KIAA1671: variants seen among roughly 807,000 people sequenced by gnomAD.
KIAA1671 encodes the protein KIAA1671, also known as uncharacterized protein KIAA1671.
In KIAA1671, 52 loss-of-function variants were observed where a neutral mutation model predicts 131.2. The ratio of observed to expected loss-of-function variants is 0.40; its 90% CI spans 0.32 to 0.50. The LOEUF is 0.50. KIAA1671 is among the 20% of genes least tolerant of loss of function. The pLI is 0.73. For missense variants in KIAA1671, 2,360 were observed against 2,364.2 expected (o/e 1.00, Z 0.04); for synonymous variants, 1,003 against 961.6 (o/e 1.04, Z -0.80).
At chr22:25,065,761 T>C (rs376555933) in intron 6 of KIAA1671, among the ~76,000 whole-genome samples, 5 of 151,966 alleles carry the variant, frequency 3.3e-5, no homozygotes, top group Admixed American at 2.6e-4. Context: ...TGCCTCAGCC[T>C]CCCGAGTAGG....
chr22:25,159,168 G>C (rs1284885796), intron 6 of KIAA1671, among the ~76,000 whole-genome samples: 2 of 152,186 alleles, frequency 1.3e-5, no homozygotes, highest in Admixed American at 6.5e-5. Flanking sequence ...CCCCCACTCA[G>C]AGCTTTGTCA....
intron 11 of KIAA1671, among the ~76,000 whole-genome samples, chr22:25,186,919 AC>A (rs1400636672): frequency 6.6e-6 from 1 of 152,080 alleles, no homozygotes; most frequent in Non-Finnish European, 1.5e-5. Flanking sequence ...GGCTGGAGAA[AC>A]CCCCAGACTA....
intron 1 of KIAA1671, chr22:25,010,557 A>G (rs777717300): frequency 2.6e-5 from 4 of 152,026 alleles, no homozygotes; most frequent in Admixed American, 1.3e-4. Context: ...TACATGCACT[A>G]TCTCTTTTAA....
intron 1 of KIAA1671, among the ~76,000 whole-genome samples, chr22:25,009,438 T>C (rs558366123): frequency 3.0e-4 from 45 of 151,400 alleles, no homozygotes; most frequent in African/African-American, 8.0e-4. Context: ...CTAATTTTTG[T>C]ATTTTTAGAA....
chr22:24,997,199 G>A (rs1250911266), intron 1 of KIAA1671, among the ~76,000 whole-genome samples: 1 of 152,330 alleles, frequency 6.6e-6, no homozygotes, highest in Non-Finnish European at 1.5e-5. Context: ...AAAACAGTGG[G>A]GTTGGTGTCA....
intron 6 of KIAA1671, among the ~76,000 whole-genome samples, chr22:25,130,400 C>T (rs1165959049): frequency 1.3e-5 from 2 of 152,176 alleles, no homozygotes; most frequent in Non-Finnish European, 2.9e-5. Context: ...AGAATGTGTA[C>T]TGAGAATCCA....
chr22:24,984,854 C>T (rs1311960165), intron 1 of KIAA1671, among the ~76,000 whole-genome samples: 1 of 127,328 alleles, frequency 7.9e-6, no homozygotes, highest in Non-Finnish European at 1.6e-5. Flanking sequence ...GCGGAGGTTG[C>T]GGTGAGCCGA....
intron 1 of KIAA1671, among the ~76,000 whole-genome samples, chr22:24,961,012 TG>T (rs987663268): frequency 2.5e-4 from 38 of 152,226 alleles, no homozygotes; most frequent in Non-Finnish European, 5.1e-4. Context: ...TTTTTGTTGT[TG>T]TTGTTTTTGT....
intron 4 of KIAA1671, among the ~76,000 whole-genome samples, chr22:25,037,834 A>G (rs1437590892): frequency 1.3e-5 from 2 of 151,876 alleles, no homozygotes; most frequent in Non-Finnish European, 2.9e-5. Flanking sequence ...TCAGTATTTA[A>G]TTCCTTTTAT....
chr22:24,968,331 C>T (rs765975926), intron 1 of KIAA1671, among the ~76,000 whole-genome samples: 1 of 152,016 alleles, frequency 6.6e-6, no homozygotes, highest in Non-Finnish European at 1.5e-5. Context: ...GTTGGGCATG[C>T]CTGGAGGCTC....
intron 6 of KIAA1671, among the ~76,000 whole-genome samples, chr22:25,162,860 C>G (rs1308343501): frequency 2.0e-5 from 3 of 152,140 alleles, no homozygotes; most frequent in African/African-American, 4.8e-5. Context: ...CCCACAAAGC[C>G]CAAAATATTT....
chr22:25,016,602 G>A (rs962910785), intron 1 of KIAA1671, among the ~76,000 whole-genome samples: 2 of 152,184 alleles, frequency 1.3e-5, no homozygotes, highest in Non-Finnish European at 2.9e-5. Flanking sequence ...AAACTAGGGT[G>A]GAGGACATGG....
intron 7 of KIAA1671, among the ~76,000 whole-genome samples, chr22:25,172,939 G>C (rs1301785072): frequency 6.6e-6 from 1 of 152,118 alleles, no homozygotes; most frequent in Non-Finnish European, 1.5e-5. Context: ...AGTTCATGAG[G>C]CCAATTATAT....
At chr22:25,020,455 T>C (rs1004685204) in intron 1 of KIAA1671, among the ~76,000 whole-genome samples, 1 of 152,194 alleles carries the variant, frequency 6.6e-6, no homozygotes, top group Admixed American at 6.5e-5. Flanking sequence ...TGAATATTAT[T>C]TTCTTCTCTT....
chr22:24,984,427 A>G (rs1923406689), intron 1 of KIAA1671, among the ~76,000 whole-genome samples: 1 of 152,170 alleles, frequency 6.6e-6, no homozygotes, highest in Non-Finnish European at 1.5e-5. Flanking sequence ...GACCATCCTC[A>G]AATATAGCTG....
At chr22:25,147,383 G>T in intron 6 of KIAA1671, among the ~76,000 whole-genome samples, 1 of 151,910 alleles carries the variant, frequency 6.6e-6, no homozygotes, top group Admixed American at 6.6e-5. Flanking sequence ...GGTAGAGATA[G>T]GGTTTCACCA....
In KIAA1671 at chr22:25,041,087, G is replaced by C. The variant is rs1926899632; in HGVS notation, c.3957G>C (p.Arg1319Ser). The change falls in exon 5 of 13, where the codon AGG (arginine) becomes AGC (serine). Residue 1319 changes from arginine (R) to serine (S), a missense_variant. Transcript: ENST00000358431. ...GCTCTCCTATACCTGCGGATCCCAG[G>C]AAAAAAACGGGGTTTGCTGAGGATG... ...PGGSPIPADP[R>S]KKTGFAEDDR... 1.9e-6 allele frequency: 3 copies of C among 1,541,438 alleles called. No individual in the cohort carries two copies. The highest frequency in any genetic ancestry group is 4.0e-5 in the Admixed American group (2 of 49,830).
chr22:25,116,173 C>T (rs549090040), intron 6 of KIAA1671, among the ~76,000 whole-genome samples: 15 of 152,186 alleles, frequency 9.9e-5, no homozygotes, highest in South Asian at 6.2e-4. Flanking sequence ...CGATACCCTG[C>T]GTTCAAGCCA....
chr22:25,047,382 C>T (rs796471245), intron 5 of KIAA1671, among the ~76,000 whole-genome samples: 22 of 151,990 alleles, frequency 1.4e-4, no homozygotes, highest in African/African-American at 5.1e-4. Flanking sequence ...AACTCCTGAC[C>T]TCAAGTGATC....
Sources: gnomAD v4.1 joint callset for allele counts (sites outside exome capture counted in the v4.1 genomes callset) on GRCh38, gnomAD v4.1.1 for gene constraint, MANE v1.5 for transcripts, NCBI Gene and HGNC (gene_info 2026-07-23, HGNC 2026-07-21) for gene names.